The following DNPH1 variants were observed in gnomAD, a reference collection of about 807,000 sequenced individuals.
The protein encoded by DNPH1 is 2'-deoxynucleoside 5'-phosphate N-hydrolase 1.
In DNPH1, 18 loss-of-function variants were observed where a neutral mutation model predicts 15.7. The ratio of observed to expected loss-of-function variants is 1.15; its 90% CI spans 0.79 to 1.70. The LOEUF (loss-of-function observed/expected upper bound fraction) is 1.70. Ranked by LOEUF, DNPH1 falls within the 40% of genes most tolerant of loss-of-function variation. The pLI, the probability that DNPH1 is intolerant of heterozygous loss-of-function variation, is 0.00. For synonymous variants in DNPH1, 114 were observed against 107.9 expected, an observed-to-expected ratio of 1.06 and a Z score of -0.35; for missense variants, 262 against 255.2, an observed-to-expected ratio of 1.03 and a Z score of -0.18.
chr6:43,226,753 C>T lies in DNPH1; in HGVS notation c.197-358G>A. 3.9e-6 allele frequency: 1 copy of T among 258,300 alleles called. No homozygotes were observed. The highest frequency in any genetic ancestry group is 6.0e-5 in the South Asian group (1 of 16,696). The allele number at this position is 258,300 out of a possible 1,614,324, so 16.0% of individuals were successfully genotyped here. ...CTTAGCTTGATTAAATGTTATCTTCCAGGACAGTGAGGCTCAGCCCACCGC... is the reference window on the plus strand; with the variant it reads ...CTTAGCTTGATTAAATGTTATCTTCTAGGACAGTGAGGCTCAGCCCACCGC... On this transcript the variant is annotated intron_variant, in intron 1 of 3. Coordinates refer to ENST00000230431, the MANE Select transcript of DNPH1 (RefSeq NM_006443.3). The surrounding 1 kb of genome is among the most constrained non-coding windows in gnomAD (Gnocchi z 4.1).
rs781456801 is a variant in DNPH1 at position 43,226,332 on chromosome 6, G to A, written c.260C>T (p.Ala87Val). Reference sequence around the variant, plus strand: ...AAGGAGGGAGCGCCACTCACCGTCCGCCTGCTGCAGCCACTCCAGGTCCTG... The same window carrying A: ...AAGGAGGGAGCGCCACTCACCGTCCACCTGCTGCAGCCACTCCAGGTCCTG... ...HEQDLEWLQQ[A>V]DVVVAEVTQP... The change falls in exon 2 of 4, where the codon GCG (alanine) becomes GTG (valine). Residue 87 changes from alanine (A) to valine (V), a missense_variant. Physicochemically the swap from Ala to Val is moderately conservative, Grantham distance 64. Coordinates refer to ENST00000230431, the MANE Select transcript of DNPH1 (RefSeq NM_006443.3). This position sits in a 1 kb window ranked among gnomAD's most constrained non-coding sequence, Gnocchi z 4.1. 2.9e-5 allele frequency: 47 copies of A among 1,612,112 alleles called. No homozygotes were observed. The highest frequency in any genetic ancestry group is 4.4e-5 in the South Asian group (4 of 91,014).
In DNPH1 at chr6:43,226,192, T is replaced by C. The variant is rs775464248; in HGVS notation, c.266-49A>G. 1 of 1,609,442 alleles carries C rather than the reference T, an allele frequency of 6.2e-7. No homozygotes were observed. The highest frequency in any genetic ancestry group is 1.1e-5 in the South Asian group (1 of 90,808). On this transcript the variant is annotated intron_variant, in intron 2 of 3. Coordinates refer to ENST00000230431, the MANE Select transcript of DNPH1 (RefSeq NM_006443.3). This position sits in a 1 kb window ranked among gnomAD's most constrained non-coding sequence, Gnocchi z 4.1. ...CCTCAGCATTGGGGGCACTTGAGGT[T>C]CATAAGGAAGACGACGGTGTGGCTG...
At position 43,226,612 on chromosome 6, in the gene DNPH1, C is replaced by T. The variant is rs1331406634; in HGVS notation, c.197-217G>A. ...GCAAGGTGGGACATGTGATTAGGGCCGAATGAGGAACATCAGCAGCACTAA... is the reference window on the plus strand; with the variant it reads ...GCAAGGTGGGACATGTGATTAGGGCTGAATGAGGAACATCAGCAGCACTAA... On this transcript the variant is annotated intron_variant, in intron 1 of 3. Transcript: ENST00000230431. The surrounding 1 kb of genome is among the most constrained non-coding windows in gnomAD (Gnocchi z 4.1). 8 of 549,150 alleles carry T rather than the reference C, an allele frequency of 1.5e-5. No homozygotes were observed. Among genetic ancestry groups the T allele is most frequent in the African/African-American group, 7.7e-5 (4 of 52,236 alleles). The allele number at this position is 549,150 out of a possible 1,614,324, so 34.0% of individuals were successfully genotyped here.
chr6:43,226,096 G>C lies in DNPH1; in HGVS notation c.313C>G (p.Leu105Val), dbSNP rs1776729528. Residue 105 changes from leucine to valine, a missense_variant, in exon 3 of 4, where the codon CTG becomes GTG. Leu to Val is a conservative substitution (Grantham distance 32). Coordinates refer to ENST00000230431, the MANE Select transcript of DNPH1 (RefSeq NM_006443.3). The surrounding 1 kb of genome is among the most constrained non-coding windows in gnomAD (Gnocchi z 4.1). The part of the protein sequence containing the change: ...TQPSLGVGYE[L>V]GRAVAFNKRI... ...TTGTTAAAGGCCACGGCCCGGCCCA[G>C]CTCATAGCCTACACCCAAGGATGGC... The C allele has an allele frequency of 6.2e-7, 1 of 1,613,580 alleles. No individual in the cohort carries two copies.
chr6:43,225,681 T>A lies in DNPH1; in HGVS notation c.*52A>T. 1 of 1,594,782 alleles carries A rather than the reference T, an allele frequency of 6.3e-7. No individual in the cohort carries two copies. The highest frequency in any genetic ancestry group is 8.6e-7 in the Non-Finnish European group (1 of 1,166,722). ...TGCTCCTGGGGCTAAGAGGAAGGAA[T>A]GGTACTAGAGCAGTGTCTGAGAATA... On this transcript the variant is annotated 3_prime_UTR_variant, in exon 4 of 4. Transcript: ENST00000230431.
chr6:43,226,479 T>TC lies in DNPH1; in HGVS notation c.197-85_197-84insG. ...TGCCCTTGTATGTCCATACCCACCC[T>TC]GCTCAGGGAGGGTGGGAGCCTTGTG... On this transcript the variant is annotated intron_variant, in intron 1 of 3. Coordinates refer to ENST00000230431, the MANE Select transcript of DNPH1 (RefSeq NM_006443.3). This position sits in a 1 kb window ranked among gnomAD's most constrained non-coding sequence, Gnocchi z 4.1. 2 of 1,283,156 alleles carry TC rather than the reference T, an allele frequency of 1.6e-6. No homozygotes were observed. The highest frequency in any genetic ancestry group is 2.1e-6 in the Non-Finnish European group (2 of 939,488). The allele number at this position is 1,283,156 out of a possible 1,614,324, so 79.5% of individuals were successfully genotyped here. A position where few individuals can be genotyped will look rare whatever the true frequency, so the allele number is the denominator to read the frequency against.
At chr6:43,228,780 C>T (rs1221561589) in intron 1 of DNPH1, among the ~76,000 whole-genome samples, 1 of 151,924 alleles carries the variant, frequency 6.6e-6, no homozygotes, top group African/African-American at 2.4e-5. Context: ...GAGCCGAGAT[C>T]ACGCAACTGC....
exon 1 of DNPH1, chr6:43,229,478 CGGCGCCAGGG>C: frequency 3.1e-6 from 4 of 1,283,684 alleles, no homozygotes; most frequent in Non-Finnish European, 3.9e-6. Context: ...CCGCGCTCTC[CGGCGCCAGGG>C]GGCGCCAGCC....
intron 1 of DNPH1, chr6:43,228,991 C>A (rs532986568): frequency 5.7e-6 from 2 of 350,174 alleles, no homozygotes; most frequent in Non-Finnish European, 1.1e-5. Flanking sequence ...CTGAAAGCAG[C>A]TGAAGACAGA....
intron 1 of DNPH1, among the ~76,000 whole-genome samples, chr6:43,228,842 A>G (rs1776779581): frequency 5.3e-5 from 8 of 151,994 alleles, no homozygotes; most frequent in Admixed American, 5.2e-4. Flanking sequence ...AAAACAAAAC[A>G]AAACAAAAAA....
rs369181612 is a variant in DNPH1, at chr6:43,229,060, C to A, written c.196+201G>T. The A allele has an allele frequency of 1.6e-4, 85 of 523,546 alleles. No individual in the cohort carries two copies. In the Middle Eastern group the frequency reaches 3.5e-3, roughly 21 times the overall value. 32.4% of individuals were successfully genotyped at this position (523,546 alleles called of 1,614,324 possible). A position where few individuals can be genotyped will look rare whatever the true frequency, so the allele number is the denominator to read the frequency against. On this transcript the variant is annotated intron_variant, in intron 1 of 3. Coordinates refer to ENST00000230431, the MANE Select transcript of DNPH1 (RefSeq NM_006443.3). Reference sequence around the variant, plus strand: ...GCTGAGTCTGCCTTACACCCGCAGGCTTGCTGGGACCCACGCAGCCCGAGC... The same window carrying A: ...GCTGAGTCTGCCTTACACCCGCAGGATTGCTGGGACCCACGCAGCCCGAGC...
Position 43,229,315 on chromosome 6 carries a change from G to T in DNPH1, c.142C>A (p.Arg48=). The part of the protein sequence containing the change: ...LYERIVSRLR[R]FGTVLTEHVA... Reference sequence around the variant, plus strand: ...TGCTCGGTGAGCACTGTCCCGAATCGCCGCAGCCGAGACACGATCCGCTCG... The same window carrying T: ...TGCTCGGTGAGCACTGTCCCGAATCTCCGCAGCCGAGACACGATCCGCTCG... The change falls in exon 1 of 4, where the codon CGA becomes AGA. Residue 48 remains arginine, a synonymous_variant. Transcript: ENST00000230431. 3 of 1,484,238 alleles carry T rather than the reference G, an allele frequency of 2.0e-6. No homozygotes were observed. Among genetic ancestry groups the T allele is most frequent in the Non-Finnish European group, 2.7e-6 (3 of 1,120,372 alleles). 91.9% of individuals were successfully genotyped at this position (1,484,238 alleles called of 1,614,324 possible). A position where few individuals can be genotyped will look rare whatever the true frequency, so the allele number is the denominator to read the frequency against.
At position 43,227,282 on chromosome 6, in the gene DNPH1, G is replaced by A. The variant is rs905425838; in HGVS notation, c.197-887C>T. The stretch of plus-strand genomic sequence containing the variant: ...ATTAAAAAATTAGCCAGGCGTGGTA[G>A]CAGGCGCCTGTAATCCCAGCTACTC... On this transcript the variant is annotated intron_variant, in intron 1 of 3. Transcript: ENST00000230431. 7.9e-5 allele frequency among the ~76,000 whole-genome samples: 12 copies of A among 152,204 alleles called. No individual in the cohort carries two copies. In the Middle Eastern group the frequency reaches 0.01, roughly 129 times the overall value.
Position 43,225,818 on chromosome 6 carries a change from T to A in DNPH1, c.440A>T (p.Glu147Val), listed in dbSNP as rs200858778. 10 of 1,614,138 alleles carry A rather than the reference T, an allele frequency of 6.2e-6. No homozygotes were observed. The highest frequency in any genetic ancestry group is 3.3e-5 in the Admixed American group (2 of 60,014). ...GSRFQVWDYE[E>V]GEVEALLDRY... Reference sequence around the variant, plus strand: ...ATCCAGCAGGGCCTCCACCTCTCCCTCCTCATAGTCCCACACCTGGAACCG... The same window carrying A: ...ATCCAGCAGGGCCTCCACCTCTCCCACCTCATAGTCCCACACCTGGAACCG... The change falls in exon 4 of 4, where the codon GAG (glutamate) becomes GTG (valine). Residue 147 changes from glutamate (E) to valine (V), a missense_variant. By Grantham distance (121) the Glu-to-Val change is moderately radical (BLOSUM62 -2). Transcript: ENST00000230431.
At chr6:43,227,106 T>C (rs2651196) in intron 1 of DNPH1, among the ~76,000 whole-genome samples, 4,951 of 138,792 alleles carry the variant, frequency 0.036, 84 homozygotes, top group African/African-American at 0.06. Flanking sequence ...AACTCCATCT[T>C]AAAAAAAACA....
Position 43,229,395 on chromosome 6 carries a change from G to C in DNPH1, c.62C>G (p.Pro21Arg). Residue 21 changes from proline to arginine, a missense_variant, in exon 1 of 4, where the codon CCG becomes CGG. Physicochemically the swap from Pro to Arg is moderately radical, Grantham distance 103. Transcript: ENST00000230431. The part of the protein sequence containing the change: ...ESWERGEPGR[P>R]ALYFCGSIRG... The stretch of plus-strand genomic sequence containing the variant: ...AATGCTCCCGCAGAAGTACAGGGCC[G>C]GGCGGCCAGGCTCCCCGCGCTCCCA... 1 of 1,447,416 alleles carries C rather than the reference G, an allele frequency of 6.9e-7. No homozygotes were observed. Among genetic ancestry groups the C allele is most frequent in the Non-Finnish European group, 9.1e-7 (1 of 1,097,498 alleles). The allele number at this position is 1,447,416 out of a possible 1,614,324, so 89.7% of individuals were successfully genotyped here.
rs1448555607 is a variant in DNPH1, at chr6:43,226,523, C to T, written c.197-128G>A. 29 of 751,502 alleles carry T rather than the reference C, an allele frequency of 3.9e-5. No homozygotes were observed. The East Asian group carries it at 6.9e-4, about 18-fold the overall frequency. 46.6% of individuals were successfully genotyped at this position (751,502 alleles called of 1,614,324 possible). A position where few individuals can be genotyped will look rare whatever the true frequency, so the allele number is the denominator to read the frequency against. ...CCTTGTGCCAGATGACCTGACCAAA[C>T]ATGACAATCTCATCAAAGCAGCGAG... On this transcript the variant is annotated intron_variant, in intron 1 of 3. Coordinates refer to ENST00000230431, the MANE Select transcript of DNPH1 (RefSeq NM_006443.3). This position sits in a 1 kb window ranked among gnomAD's most constrained non-coding sequence, Gnocchi z 4.1.
Position 43,225,790 on chromosome 6 carries a change from T to G in DNPH1, c.468A>C (p.Arg156=). 1 of 1,614,130 alleles carries G rather than the reference T, an allele frequency of 6.2e-7. No individual in the cohort carries two copies. Reference sequence around the variant, plus strand: ...GCCCTGGAGGATCAGCCTCGAAGTATCGATCCAGCAGGGCCTCCACCTCTC... The same window carrying G: ...GCCCTGGAGGATCAGCCTCGAAGTAGCGATCCAGCAGGGCCTCCACCTCTC... The part of the protein sequence containing the change: ...EEGEVEALLD[R]YFEADPPGQV... Residue 156 remains arginine, a synonymous_variant, in exon 4 of 4, where the codon CGA becomes CGC. Coordinates refer to ENST00000230431, the MANE Select transcript of DNPH1 (RefSeq NM_006443.3).
Position 43,225,692 on chromosome 6 carries a change from C to A in DNPH1, c.*41G>T. 2 of 1,608,576 alleles carry A rather than the reference C, an allele frequency of 1.2e-6. No individual in the cohort carries two copies. Among genetic ancestry groups the A allele is most frequent in the East Asian group, 2.2e-5 (1 of 44,870 alleles). ...CTAAGAGGAAGGAATGGTACTAGAGCAGTGTCTGAGAATAGAAGAATTTAA... is the reference window on the plus strand; with the variant it reads ...CTAAGAGGAAGGAATGGTACTAGAGAAGTGTCTGAGAATAGAAGAATTTAA... On this transcript the variant is annotated 3_prime_UTR_variant, in exon 4 of 4. Transcript: ENST00000230431.
Sources: gnomAD v4.1 joint callset for allele counts (sites outside exome capture counted in the v4.1 genomes callset) on GRCh38, gnomAD v4.1.1 for gene constraint, Gnocchi (gnomAD v3.1) non-coding constraint, MANE v1.5 for transcripts, NCBI Gene and HGNC (gene_info 2026-07-23, HGNC 2026-07-21) for gene names.